MCU: variants seen among roughly 807,000 people sequenced by gnomAD.
The protein encoded by MCU is mitochondrial calcium uniporter.
MCU carries 12 observed loss-of-function variants against 45.2 expected under a neutral mutation model. The observed-to-expected ratio is 0.27, with a 90% CI of 0.17 to 0.43. The LOEUF (loss-of-function observed/expected upper bound fraction) is 0.43, where lower values mean the gene tolerates loss of function less well. MCU is among the 20% of genes least tolerant of loss of function. MCU has a pLI of 1.00. For synonymous variants in MCU, 160 were observed against 165.1 expected (o/e 0.97, Z 0.24); for missense variants, 324 against 436.7 (o/e 0.74, Z 2.30).
At chr10:72,757,987 CAAAG>C (rs1843602921) in intron 1 of MCU, among the ~76,000 whole-genome samples, 1 of 152,092 alleles carries the variant, frequency 6.6e-6, no homozygotes, top group Admixed American at 6.6e-5. Context: ...AGTGACAAGA[CAAAG>C]AAAAGCAGGT....
At chr10:72,819,414 C>G (rs1293340915) in intron 1 of MCU, among the ~76,000 whole-genome samples, 2 of 152,138 alleles carry the variant, frequency 1.3e-5, no homozygotes, top group Non-Finnish European at 2.9e-5. Flanking sequence ...CCCCAACATG[C>G]TAAATACTCA....
chr10:72,818,256 G>C (rs1844655770), intron 1 of MCU, among the ~76,000 whole-genome samples: 1 of 152,214 alleles, frequency 6.6e-6, no homozygotes, highest in Non-Finnish European at 1.5e-5. Flanking sequence ...TGAGCAGAGA[G>C]AGGCTAAGTG....
At chr10:72,836,326 G>A (rs963350618) in intron 2 of MCU, among the ~76,000 whole-genome samples, 1 of 151,980 alleles carries the variant, frequency 6.6e-6, no homozygotes, top group Non-Finnish European at 1.5e-5. Context: ...AAGTCCCATT[G>A]GTGGTTATGA....
intron 1 of MCU, among the ~76,000 whole-genome samples, chr10:72,740,250 G>A (rs1407133731): frequency 2.0e-5 from 3 of 151,846 alleles, no homozygotes; most frequent in African/African-American, 7.3e-5. Context: ...ATGGTGGTGT[G>A]CACCTGTAGT....
intron 1 of MCU, among the ~76,000 whole-genome samples, chr10:72,798,479 G>A (rs1844286575): frequency 1.3e-5 from 2 of 151,818 alleles, no homozygotes; most frequent in Non-Finnish European, 2.9e-5. Flanking sequence ...TTTAGTAGAG[G>A]CAGGGTTTCA....
At chr10:72,795,144 T>A (rs1844224330) in intron 1 of MCU, among the ~76,000 whole-genome samples, 1 of 152,172 alleles carries the variant, frequency 6.6e-6, no homozygotes, top group Non-Finnish European at 1.5e-5. Flanking sequence ...TAAAATCTCC[T>A]CATTGAGCTC....
chr10:72,709,524 G>A (rs1842863573), intron 1 of MCU, among the ~76,000 whole-genome samples: 1 of 151,920 alleles, frequency 6.6e-6, no homozygotes. Context: ...CCTTTTTCCT[G>A]ATCTGTGAAT....
intron 1 of MCU, among the ~76,000 whole-genome samples, chr10:72,751,310 GT>G (rs897771741): frequency 1.0e-5 from 1 of 95,704 alleles, no homozygotes; most frequent in Admixed American, 1.1e-4. Flanking sequence ...GCCTCAAATG[GT>G]TTTTTTTTCT....
At chr10:72,875,901 A>C (rs962869906) in intron 6 of MCU, among the ~76,000 whole-genome samples, 8 of 152,200 alleles carry the variant, frequency 5.3e-5, no homozygotes, top group African/African-American at 1.9e-4. Context: ...TTTTCAATGA[A>C]GGGGATGATG....
intron 1 of MCU, among the ~76,000 whole-genome samples, chr10:72,805,163 C>G (rs1285660565): frequency 7.4e-6 from 1 of 134,674 alleles, no homozygotes; most frequent in Admixed American, 7.4e-5. Flanking sequence ...TTCTTTCTGT[C>G]TCTCTCTCTC....
chr10:72,859,538 T>C (rs1001844052), intron 3 of MCU, among the ~76,000 whole-genome samples, 191 bp downstream of exon 3: 6 of 152,210 alleles, frequency 3.9e-5, no homozygotes, highest in Non-Finnish European at 5.9e-5. Flanking sequence ...CAGAGTATAA[T>C]TGATCGGTTT....
intron 1 of MCU, among the ~76,000 whole-genome samples, chr10:72,732,332 C>G (rs1843187627): frequency 6.6e-6 from 1 of 152,154 alleles, no homozygotes. Context: ...AATCTGGCAT[C>G]TATTCATTTA....
rs1433756787 is a variant in MCU at position 72,855,438 on chromosome 10, C to T, written c.221-3739C>T. ...ACCCCCACCAAAAAAAAAAATTATC[C>T]AGGCACAGTTACATATGCCTATAGT... On this transcript the variant is annotated intron_variant, in intron 2 of 7. Transcript: ENST00000373053. 3.3e-5 allele frequency among the ~76,000 whole-genome samples: 5 copies of T among 151,658 alleles called. No individual in the cohort carries two copies. In the South Asian group the frequency reaches 1.0e-3, roughly 32 times the overall value.
chr10:72,775,116 C>T (rs545125130), intron 1 of MCU, among the ~76,000 whole-genome samples: 7 of 152,076 alleles, frequency 4.6e-5, no homozygotes, highest in African/African-American at 1.7e-4. Context: ...GCACATCAAA[C>T]GTTTTCTAGA....
intron 1 of MCU, among the ~76,000 whole-genome samples, chr10:72,706,283 A>G (rs1842818872): frequency 6.6e-6 from 1 of 151,416 alleles, no homozygotes; most frequent in African/African-American, 2.4e-5. Context: ...AAATTGTAGC[A>G]GCCTTCCCCT....
chr10:72,850,212 C>T (rs1381458124), intron 2 of MCU, among the ~76,000 whole-genome samples: 3 of 152,156 alleles, frequency 2.0e-5, no homozygotes, highest in African/African-American at 7.2e-5. Flanking sequence ...TTATTCTTAG[C>T]TGCAAAAGAA....
At chr10:72,739,904 G>T (rs912492156) in intron 1 of MCU, among the ~76,000 whole-genome samples, 4 of 151,850 alleles carry the variant, frequency 2.6e-5, no homozygotes, top group African/African-American at 9.7e-5. Context: ...TTGAACTCCT[G>T]ACCTCAAGTG....
intron 6 of MCU, among the ~76,000 whole-genome samples, chr10:72,878,667 GT>G (rs1229087317): frequency 6.6e-6 from 1 of 152,110 alleles, no homozygotes; most frequent in African/African-American, 2.4e-5. Context: ...TAATGGATGG[GT>G]TTAATAGCAG....
At chr10:72,756,172 A>G (rs1843573845) in intron 1 of MCU, among the ~76,000 whole-genome samples, 1 of 151,998 alleles carries the variant, frequency 6.6e-6, no homozygotes, top group South Asian at 2.1e-4. Flanking sequence ...TTTTTATTAG[A>G]TACAGGGTTT....
Sources: allele counts gnomAD v4.1 joint callset (sites outside exome capture counted in the v4.1 genomes callset), GRCh38; gene constraint gnomAD v4.1.1; transcripts MANE v1.5; gene names NCBI Gene and HGNC (gene_info 2026-07-23, HGNC 2026-07-21).